Variants in KCNMA1 observed in about 807,000 individuals in gnomAD.
The protein encoded by KCNMA1 is potassium calcium-activated channel subfamily M alpha 1.
In KCNMA1, 29 loss-of-function variants were observed where a neutral mutation model predicts 140.0. The observed-to-expected ratio is 0.21, with a 90% CI of 0.15 to 0.28. KCNMA1 has a LOEUF of 0.28. Ranked by LOEUF, KCNMA1 falls within the 10% of genes least tolerant of loss-of-function variation. The pLI, the probability that KCNMA1 is intolerant of heterozygous loss-of-function variation, is 1.00. For missense variants in KCNMA1, 880 were observed against 1,602.2 expected, an observed-to-expected ratio of 0.55 and a Z score of 7.70; for synonymous variants, 612 against 611.9, an observed-to-expected ratio of 1.00 and a Z score of 0.00.
chr10:77,395,664 A>T (rs2096021135), intron 2 of KCNMA1, among the ~76,000 whole-genome samples: 1 of 152,248 alleles, frequency 6.6e-6, no homozygotes, highest in Admixed American at 6.5e-5. Flanking sequence ...CCAAGTTCCC[A>T]GGGAACCATT....
In KCNMA1 at chr10:76,953,881, T is replaced by C. The variant is rs200544842; in HGVS notation, c.2404A>G (p.Met802Val). The part of the protein sequence containing the change: ...LIPGNDQIDN[M>V]DSNVKKYDST... Reference sequence around the variant, plus strand: ...TCGTACTTCTTCACATTGGAGTCCATGTTGTCAATCTGATCATTGCCAGGA... The same window carrying C: ...TCGTACTTCTTCACATTGGAGTCCACGTTGTCAATCTGATCATTGCCAGGA... The change falls in exon 21 of 28, where the codon ATG becomes GTG. Residue 802 changes from methionine (M) to valine (V), a missense_variant. Met to Val is a conservative substitution (Grantham distance 21). Around this residue, in one of 13 missense-constraint regions of KCNMA1, gnomAD observed 196 missense variants for 233.0 expected, o/e 0.84. Transcript: ENST00000286628. 19 of 1,613,912 alleles carry C rather than the reference T, an allele frequency of 1.2e-5. No individual in the cohort carries two copies. Among genetic ancestry groups the C allele is most frequent in the Non-Finnish European group, 1.6e-5 (19 of 1,179,916 alleles).
chr10:77,571,905 T>A (rs915373012), intron 1 of KCNMA1, among the ~76,000 whole-genome samples: 4 of 152,142 alleles, frequency 2.6e-5, no homozygotes, highest in African/African-American at 9.7e-5. Flanking sequence ...CTTTCAAAAC[T>A]TTGAAATGTA....
intron 2 of KCNMA1, among the ~76,000 whole-genome samples, chr10:77,295,517 C>T (rs1429108799): frequency 2.0e-5 from 3 of 151,240 alleles, no homozygotes; most frequent in South Asian, 2.1e-4. Context: ...CGCGGTGGCT[C>T]ACGCCTGTAA....
intron 1 of KCNMA1, among the ~76,000 whole-genome samples, chr10:77,482,611 G>C (rs1387169360): frequency 2.0e-5 from 3 of 152,028 alleles, no homozygotes; most frequent in Non-Finnish European, 4.4e-5. Flanking sequence ...GCCCCTTCCA[G>C]CCACATGTAA....
intron 14 of KCNMA1, among the ~76,000 whole-genome samples, chr10:77,065,402 C>A (rs1565873838): frequency 6.6e-6 from 1 of 152,172 alleles, no homozygotes. Flanking sequence ...CTGTATACTT[C>A]CTAGAGAATA....
chr10:77,272,952 C>T (rs1386756904), intron 2 of KCNMA1, among the ~76,000 whole-genome samples: 1 of 152,262 alleles, frequency 6.6e-6, no homozygotes, highest in South Asian at 2.1e-4. Context: ...TTCTTCTAGA[C>T]CCCCTACCAA....
rs527381070 is a variant in KCNMA1, at chr10:77,620,725, G to A, written c.378+16540C>T. The stretch of plus-strand genomic sequence containing the variant: ...CAGTTCTGTTTTCTCCCCATTTTTG[G>A]AAACCCAAATTCTTGATGTTTCTGT... On this transcript the variant is annotated intron_variant, in intron 1 of 27. Transcript: ENST00000286628. Among the ~76,000 whole-genome samples the A allele has an allele frequency of 9.5e-4, 145 of 152,290 alleles. 1 individual carries two copies. The highest frequency in any genetic ancestry group is 6.8e-3 in the Middle Eastern group (2 of 294).
chr10:77,405,892 G>C (rs2096456911), intron 1 of KCNMA1, among the ~76,000 whole-genome samples: 3 of 152,178 alleles, frequency 2.0e-5, no homozygotes. Flanking sequence ...ATCCTCTTGG[G>C]GACTTGGCCA....
chr10:77,024,118 C>G (rs1012142298), intron 16 of KCNMA1, among the ~76,000 whole-genome samples: 3 of 152,092 alleles, frequency 2.0e-5, no homozygotes, highest in African/African-American at 7.2e-5. Context: ...GTTCTGGGAG[C>G]AAGCCAAATC....
chr10:77,183,111 C>T (rs1454571674), intron 5 of KCNMA1, among the ~76,000 whole-genome samples: 6 of 152,152 alleles, frequency 3.9e-5, no homozygotes, highest in Non-Finnish European at 8.8e-5. Context: ...TTAATCCAGT[C>T]CTGACTCTAA....
chr10:76,920,133 G>C (rs1448710729), intron 23 of KCNMA1, among the ~76,000 whole-genome samples: 1 of 148,092 alleles, frequency 6.8e-6, no homozygotes, highest in East Asian at 2.0e-4. Flanking sequence ...GCTGGAAAAG[G>C]GTTCCAGGAC....
At chr10:76,988,491 G>A (rs2081893048) in intron 19 of KCNMA1, among the ~76,000 whole-genome samples, 1 of 152,096 alleles carries the variant, frequency 6.6e-6, no homozygotes, top group South Asian at 2.1e-4. Context: ...TCACACCACT[G>A]CACTCCAGCC....
intron 15 of KCNMA1, chr10:77,039,015 G>A (rs1487134422): frequency 1.1e-5 from 2 of 185,682 alleles, no homozygotes; most frequent in Non-Finnish European, 2.3e-5. Flanking sequence ...AGTTGTCTAT[G>A]TGGGGGCTCA....
Position 76,970,018 on chromosome 10 carries a change from A to G in KCNMA1, c.2316T>C (p.Asn772=), listed in dbSNP as rs778997353. ...STLSPKKKQR[N]GGMRNSPNTS... is the part of the protein sequence containing the mutation. Reference sequence around the variant, plus strand: ...TGTTGGGTGAGTTCCGCATGCCTCCATTCCGTTGCTTTTTTTTTGGTGATA... The same window carrying G: ...TGTTGGGTGAGTTCCGCATGCCTCCGTTCCGTTGCTTTTTTTTTGGTGATA... The change falls in exon 20 of 28, where the codon AAT becomes AAC. Residue 772 remains asparagine (N), a synonymous_variant. Transcript: ENST00000286628. 1 of 1,613,622 alleles carries G rather than the reference A, an allele frequency of 6.2e-7. No individual in the cohort carries two copies. The highest frequency in any genetic ancestry group is 1.3e-5 in the African/African-American group (1 of 74,922).
rs2098083780 is a variant in KCNMA1, at chr10:77,468,551, A to G, written c.379-64528T>C. 7.2e-5 allele frequency among the ~76,000 whole-genome samples: 11 copies of G among 152,320 alleles called. 2 individuals are homozygous for G. In the South Asian group the frequency reaches 2.3e-3, roughly 32 times the overall value. On this transcript the variant is annotated intron_variant, in intron 1 of 27. Coordinates refer to ENST00000286628, the MANE Select transcript of KCNMA1 (RefSeq NM_001161352.2). ...CACAGACATATACAGGAGGGAGATG[A>G]TACATACACAGGGAGAAGAAGGCAG...
chr10:77,498,155 C>A (rs2042601832), intron 1 of KCNMA1, among the ~76,000 whole-genome samples: 1 of 152,160 alleles, frequency 6.6e-6, no homozygotes, highest in Non-Finnish European at 1.5e-5. Context: ...GCTTTGCTCC[C>A]TGAGAAGCGG....
intron 2 of KCNMA1, among the ~76,000 whole-genome samples, chr10:77,262,698 T>C (rs2062357615): frequency 6.6e-6 from 1 of 152,050 alleles, no homozygotes; most frequent in Non-Finnish European, 1.5e-5. Context: ...GTCCCCTTGC[T>C]CCTGCTCCCT....
intron 1 of KCNMA1, among the ~76,000 whole-genome samples, chr10:77,617,398 C>T (rs779690220): frequency 1.3e-5 from 2 of 152,258 alleles, no homozygotes; most frequent in African/African-American, 4.8e-5. Context: ...ATTCACCACC[C>T]CTGAATTAGG....
intron 17 of KCNMA1, among the ~76,000 whole-genome samples, chr10:77,013,800 T>G (rs2091408848): frequency 6.6e-6 from 1 of 152,188 alleles, no homozygotes; most frequent in South Asian, 2.1e-4. Flanking sequence ...TTAAGTGACC[T>G]GCCCAAGGCC....
Sources: allele counts gnomAD v4.1 joint callset (sites outside exome capture counted in the v4.1 genomes callset), GRCh38; gene constraint gnomAD v4.1.1; regional missense constraint gnomAD v4.1.1; transcripts MANE v1.5; gene names NCBI Gene and HGNC (gene_info 2026-07-23, HGNC 2026-07-21).